ZBTB47: variants seen among roughly 807,000 people sequenced by gnomAD.
ZBTB47 encodes the protein zinc finger and BTB domain containing 47, also known as zinc finger and BTB domain-containing protein 47.
A neutral mutation model predicts 56.6 loss-of-function variants in ZBTB47; 24 were observed. The observed-to-expected ratio is 0.42, with a 90% CI of 0.31 to 0.60. ZBTB47 has a LOEUF of 0.60. Ranked by LOEUF, ZBTB47 falls within the 20% of genes least tolerant of loss-of-function variation. The pLI, the probability that ZBTB47 is intolerant of heterozygous loss-of-function variation, is 0.14. For synonymous variants in ZBTB47, 414 were observed against 418.9 expected, an observed-to-expected ratio of 0.99 and a Z score of 0.14; for missense variants, 829 against 1,032.6, an observed-to-expected ratio of 0.80 and a Z score of 2.70.
rs1710784480 is a variant in ZBTB47 at position 42,666,019 on chromosome 3, G to A, written c.*1421G>A. ...ACACTATTGCCTTCCCAGCATGGCTGGAGTGGGAAGAGGCTTGGGCCCCGG... is the reference window on the plus strand; with the variant it reads ...ACACTATTGCCTTCCCAGCATGGCTAGAGTGGGAAGAGGCTTGGGCCCCGG... On this transcript the variant is annotated 3_prime_UTR_variant, in exon 6 of 6. Transcript: ENST00000232974. 6.6e-6 allele frequency among the ~76,000 whole-genome samples: 1 copy of A among 152,228 alleles called. No homozygotes were observed. Among genetic ancestry groups the A allele is most frequent in the Admixed American group, 6.5e-5 (1 of 15,294 alleles).
intron 1 of ZBTB47, among the ~76,000 whole-genome samples, chr3:42,655,582 C>A (rs1172081013): frequency 6.6e-6 from 1 of 152,208 alleles, no homozygotes; most frequent in Non-Finnish European, 1.5e-5. Flanking sequence ...CTTAGCTAGG[C>A]TGGAGTGACC....
At chr3:42,658,155 G>T in intron 1 of ZBTB47, 120 bp from the exon 2 acceptor site, 1 of 1,126,802 alleles carries the variant, frequency 8.9e-7, no homozygotes, top group South Asian at 1.7e-5. Flanking sequence ...TTGCTGTAAA[G>T]TGGAGCCACG....
chr3:42,655,767 GC>G (rs1238247700), intron 1 of ZBTB47, among the ~76,000 whole-genome samples: 1 of 152,218 alleles, frequency 6.6e-6, no homozygotes, highest in Admixed American at 6.5e-5. Context: ...GCATCTCTGT[GC>G]CCAGTCAAGA....
chr3:42,664,470 C>G lies in ZBTB47; in HGVS notation c.2116C>G (p.Gln706Glu), dbSNP rs1274266897. The stretch of plus-strand genomic sequence containing the variant: ...CCCAGGCCTGCCCCCAACCCAGCCC[C>G]AGGCGCACGCACTGCCCCTGCTCCC... ...AAPGLPPTQP[Q>E]AHALPLLPGL... is the part of the protein sequence containing the mutation. Residue 706 changes from glutamine (Q) to glutamate (E), a missense_variant, in exon 6 of 6, where the codon CAG becomes GAG. Around this residue, in one of 6 missense-constraint regions of ZBTB47, gnomAD observed 115 missense variants for 117.2 expected, o/e 0.98. Coordinates refer to ENST00000232974, the MANE Select transcript of ZBTB47 (RefSeq NM_145166.4). The G allele has an allele frequency of 2.0e-6, 3 of 1,514,732 alleles. No homozygotes were observed. In the Admixed American group the frequency reaches 6.1e-5, roughly 31 times the overall value. 93.8% of individuals were successfully genotyped at this position (1,514,732 alleles called of 1,614,324 possible).
In ZBTB47 at chr3:42,658,891, C is replaced by T; in HGVS notation, c.536C>T (p.Pro179Leu). The change falls in exon 2 of 6, where the codon CCT becomes CTT. Residue 179 changes from proline (P) to leucine (L), a missense_variant. Pro to Leu is a moderately conservative substitution (Grantham distance 98). Around this residue, in one of 6 missense-constraint regions of ZBTB47, gnomAD observed 359 missense variants for 359.8 expected, o/e 1.00. Transcript: ENST00000232974. ...GCAGGGACTGCTGGTGGCACAGTGC[C>T]TGCCACCATTGGGCCAGCCCAGCCC... ...DGAGTAGGTV[P>L]ATIGPAQPFF... 3 of 1,511,422 alleles carry T rather than the reference C, an allele frequency of 2.0e-6. No individual in the cohort carries two copies. The highest frequency in any genetic ancestry group is 1.4e-5 in the African/African-American group (1 of 72,554). The allele number at this position is 1,511,422 out of a possible 1,614,324, so 93.6% of individuals were successfully genotyped here.
chr3:42,660,711 C>T (rs1710704204), intron 2 of ZBTB47, among the ~76,000 whole-genome samples: 1 of 152,162 alleles, frequency 6.6e-6, no homozygotes, highest in Admixed American at 6.5e-5. Context: ...TGCTATCCTG[C>T]CCCACCCTTG....
In ZBTB47 at chr3:42,667,186, C is replaced by T. The variant is rs1710799956; in HGVS notation, c.*2588C>T. ...TTCCAGGGCTGGGGGAAGGGGGACG[C>T]AGGATCATCCCCTCCCAAGGAGATC... On this transcript the variant is annotated 3_prime_UTR_variant, in exon 6 of 6. Coordinates refer to ENST00000232974, the MANE Select transcript of ZBTB47 (RefSeq NM_145166.4). 6.6e-6 allele frequency among the ~76,000 whole-genome samples: 1 copy of T among 152,212 alleles called. No individual in the cohort carries two copies. Among genetic ancestry groups the T allele is most frequent in the Non-Finnish European group, 1.5e-5 (1 of 68,036 alleles).
At chr3:42,662,942 G>C in intron 3 of ZBTB47, 70 bp from the exon 4 acceptor site, 1 of 1,147,268 alleles carries the variant, frequency 8.7e-7, no homozygotes, top group Non-Finnish European at 1.3e-6. Context: ...CAGGAGGCAG[G>C]GTCTGGGCCC....
At chr3:42,660,332 C>T (rs781756920) in intron 2 of ZBTB47, among the ~76,000 whole-genome samples, 1 of 152,252 alleles carries the variant, frequency 6.6e-6, no homozygotes, top group Non-Finnish European at 1.5e-5. Context: ...TCCTCCACTT[C>T]CCACAAAAGT....
In ZBTB47 at chr3:42,659,021, T is replaced by C; in HGVS notation, c.666T>C (p.Gly222=). 2 of 1,530,324 alleles carry C rather than the reference T, an allele frequency of 1.3e-6. No homozygotes were observed. Among genetic ancestry groups the C allele is most frequent in the Non-Finnish European group, 1.7e-6 (2 of 1,143,960 alleles). 94.8% of individuals were successfully genotyped at this position (1,530,324 alleles called of 1,614,324 possible). ...AAGAGTTGGAGGAAGAGCTTGGGGG[T>C]TCTGGCACCTACAGCCGCAGGGAGC... ...GGEELEEELG[G]SGTYSRREQS... The change falls in exon 2 of 6, where the codon GGT becomes GGC. Residue 222 remains glycine (G), a synonymous_variant. Coordinates refer to ENST00000232974, the MANE Select transcript of ZBTB47 (RefSeq NM_145166.4).
In ZBTB47 at chr3:42,664,514, G is replaced by GGCCCC; in HGVS notation, c.2160_2161insGCCCC (p.Pro721AlafsTer25). 28 of 1,379,704 alleles carry GGCCCC rather than the reference G, an allele frequency of 2.0e-5. No homozygotes were observed. The highest frequency in any genetic ancestry group is 2.6e-5 in the Non-Finnish European group (28 of 1,069,706). 85.5% of individuals were successfully genotyped at this position (1,379,704 alleles called of 1,614,324 possible). The stretch of plus-strand genomic sequence containing the variant: ...TGCTCCCGGGGCTGCCCCAGACCCT[G>GGCCCC]CCGCCCCCGCCCCACCTGCCGCCCC... On this transcript the variant is annotated frameshift_variant, in exon 6 of 6. Coordinates refer to ENST00000232974, the MANE Select transcript of ZBTB47 (RefSeq NM_145166.4). LOFTEE classifies it low-confidence loss of function (END_TRUNC).
At chr3:42,662,183 T>C (rs1348927777) in intron 3 of ZBTB47, among the ~76,000 whole-genome samples, 1 of 152,274 alleles carries the variant, frequency 6.6e-6, no homozygotes, top group South Asian at 2.1e-4. Context: ...ACCTGCTGTA[T>C]GTGGGCCTGG....
chr3:42,664,294 T>C lies in ZBTB47; in HGVS notation c.1940T>C (p.Met647Thr). The change falls in exon 6 of 6, where the codon ATG (methionine) becomes ACG (threonine). Residue 647 changes from methionine to threonine, a missense_variant. Met to Thr is a moderately conservative substitution (Grantham distance 81). Coordinates refer to ENST00000232974, the MANE Select transcript of ZBTB47 (RefSeq NM_145166.4). ...CGKSFTSRPN[M>T]KRHRRTHTGE... ...AAGAGCTTCACCAGCCGGCCCAACA[T>C]GAAGCGGCACCGGCGCACGCACACG... The C allele has an allele frequency of 6.2e-7, 1 of 1,613,556 alleles. No individual in the cohort carries two copies. Among genetic ancestry groups the C allele is most frequent in the Admixed American group, 1.7e-5 (1 of 60,008 alleles).
rs1321169469 is a variant in ZBTB47 at position 42,656,835 on chromosome 3, C to G, written c.-81-1440C>G. On this transcript the variant is annotated intron_variant, in intron 1 of 5. Coordinates refer to ENST00000232974, the MANE Select transcript of ZBTB47 (RefSeq NM_145166.4). The surrounding 1 kb of genome is among the most constrained non-coding windows in gnomAD (Gnocchi z 5.8). ...CACTGCTCTCCTGGCGATGGAAGGCCTGGCATGGGGAAGGGGGGCGGTAGG... is the reference window on the plus strand; with the variant it reads ...CACTGCTCTCCTGGCGATGGAAGGCGTGGCATGGGGAAGGGGGGCGGTAGG... Among the ~76,000 whole-genome samples, 1 of 152,168 alleles carries G rather than the reference C, an allele frequency of 6.6e-6. No homozygotes were observed. The highest frequency in any genetic ancestry group is 1.5e-5 in the Non-Finnish European group (1 of 68,012).
In ZBTB47 at chr3:42,656,428, G is replaced by A. The variant is rs1710643110; in HGVS notation, c.-81-1847G>A. Among the ~76,000 whole-genome samples, 1 of 152,154 alleles carries A rather than the reference G, an allele frequency of 6.6e-6. No homozygotes were observed. Among genetic ancestry groups the A allele is most frequent in the Non-Finnish European group, 1.5e-5 (1 of 68,020 alleles). On this transcript the variant is annotated intron_variant, in intron 1 of 5. Coordinates refer to ENST00000232974, the MANE Select transcript of ZBTB47 (RefSeq NM_145166.4). The surrounding 1 kb of genome is among the most constrained non-coding windows in gnomAD (Gnocchi z 5.8). ...TTTCTCCATCTGTGTAGTAGGGGTT[G>A]GTCCCAGAAGATGAATCAGAATGAG...
chr3:42,660,337 A>C (rs1265955520), intron 2 of ZBTB47, among the ~76,000 whole-genome samples: 1 of 152,214 alleles, frequency 6.6e-6, no homozygotes, highest in Non-Finnish European at 1.5e-5. Flanking sequence ...CACTTCCCAC[A>C]AAAGTGCTGT....
Position 42,664,253 on chromosome 3 carries a change from C to T in ZBTB47, c.1899C>T (p.Ile633=). The T allele has an allele frequency of 6.2e-7, 1 of 1,613,690 alleles. No individual in the cohort carries two copies. Among genetic ancestry groups the T allele is most frequent in the Non-Finnish European group, 8.5e-7 (1 of 1,179,786 alleles). Residue 633 remains isoleucine (I), a synonymous_variant, in exon 6 of 6, where the codon ATC becomes ATT. Coordinates refer to ENST00000232974, the MANE Select transcript of ZBTB47 (RefSeq NM_145166.4). The part of the protein sequence containing the change: ...MKTHTGEKPY[I]CEICGKSFTS... ...AACCCCCAGGAGAGAAGCCGTACAT[C>T]TGCGAGATCTGTGGCAAGAGCTTCA...
In ZBTB47 at chr3:42,654,811, CG is replaced by C. The variant is rs1710617985; in HGVS notation, c.-82+930del. 1.7e-6 allele frequency: 1 copy of C among 601,842 alleles called. No homozygotes were observed. Among genetic ancestry groups the C allele is most frequent in the East Asian group, 1.4e-4 (1 of 7,144 alleles). The allele number at this position is 601,842 out of a possible 1,614,324, so 37.3% of individuals were successfully genotyped here. A position where few individuals can be genotyped will look rare whatever the true frequency, so the allele number is the denominator to read the frequency against. ...GCTGGAGGGATCTTCCCCCCTCCCC[CG>C]GTCTCCCGGCTCCATCTGCTGGGTC... is the stretch of plus-strand genomic sequence containing the variant. On this transcript the variant is annotated intron_variant, in intron 1 of 5. Transcript: ENST00000232974. This position sits in a 1 kb window ranked among gnomAD's most constrained non-coding sequence, Gnocchi z 5.0.
In ZBTB47 at chr3:42,663,630, A is replaced by G. The variant is rs974024057; in HGVS notation, c.1738-167A>G. On this transcript the variant is annotated intron_variant, in intron 4 of 5. Coordinates refer to ENST00000232974, the MANE Select transcript of ZBTB47 (RefSeq NM_145166.4). The surrounding 1 kb of genome is among the most constrained non-coding windows in gnomAD (Gnocchi z 5.1). ...GTGGCCTCTCCTCTTGTGCCCATGTACTGCCCACCCAGATGCACCTCGGCT... is the reference window on the plus strand; with the variant it reads ...GTGGCCTCTCCTCTTGTGCCCATGTGCTGCCCACCCAGATGCACCTCGGCT... Among the ~76,000 whole-genome samples the G allele has an allele frequency of 2.6e-5, 4 of 151,522 alleles. No homozygotes were observed. The highest frequency in any genetic ancestry group is 9.7e-5 in the African/African-American group (4 of 41,236).
Sources: allele counts gnomAD v4.1 joint callset (sites outside exome capture counted in the v4.1 genomes callset), GRCh38; gene constraint gnomAD v4.1.1; regional missense constraint gnomAD v4.1.1; non-coding constraint Gnocchi (gnomAD v3.1); transcripts MANE v1.5; gene names NCBI Gene and HGNC (gene_info 2026-07-23, HGNC 2026-07-21).